TTN: variants seen among roughly 807,000 people sequenced by gnomAD.
TTN encodes connectin.
A neutral mutation model predicts 3,223.0 loss-of-function variants in TTN; 1,525 were observed. That is an observed-to-expected ratio of 0.47 (90% CI 0.45 to 0.49). The LOEUF is 0.49. TTN is among the 20% of genes least tolerant of loss of function. The pLI, the probability that TTN is intolerant of heterozygous loss-of-function variation, is 0.00. For missense variants in TTN, 40,786 were observed against 43,424.0 expected (o/e 0.94, Z 5.40); for synonymous variants, 14,094 against 15,161.0 (o/e 0.93, Z 5.17).
chr2:178,701,752 G>A (rs944554765), intron 109 of TTN, among the ~76,000 whole-genome samples, 165 bp from the exon 110 acceptor site: 45 of 152,120 alleles, frequency 3.0e-4, no homozygotes, highest in Non-Finnish European at 5.9e-5. Flanking sequence ...ATGCAACCAC[G>A]CAGGTAAGTT....
At chr2:178,728,862 C>G (rs754191416) in intron 65 of TTN, 29 bp downstream of exon 65, 5 of 1,575,884 alleles carry the variant, frequency 3.2e-6, no homozygotes, top group Non-Finnish European at 4.3e-6. Flanking sequence ...TCGCTATAGA[C>G]TATCTTTGAA....
intron 7 of TTN, 58 bp from the exon 8 acceptor site, chr2:178,794,609 A>T (rs1285990734): frequency 6.2e-7 from 1 of 1,610,114 alleles, no homozygotes; most frequent in Non-Finnish European, 8.5e-7. Flanking sequence ...AGTAGAAAAT[A>T]AAAAAGCATA....
At chr2:178,627,180 T>C (rs1409664053) in intron 240 of TTN, among the ~76,000 whole-genome samples, 1 of 152,014 alleles carries the variant, frequency 6.6e-6, no homozygotes, top group Non-Finnish European at 1.5e-5. Context: ...AATTTAACTT[T>C]AAAATTATCA....
rs1230375831 is a variant in TTN at position 178,778,948 on chromosome 2, T to C, written c.4134A>G (p.Lys1378=). 2 of 1,614,024 alleles carry C rather than the reference T, an allele frequency of 1.2e-6. No individual in the cohort carries two copies. The highest frequency in any genetic ancestry group is 3.3e-5 in the Admixed American group (2 of 60,018). ...NIKGNAICSG[K]LYVEPAAPLG... ...GTGGTGCAGCAGGCTCCACATACAA[T>C]TTCCCTGAGCAAATTGCATTTCCTT... The change falls in exon 24 of 363, where the codon AAA becomes AAG. Residue 1378 remains lysine (K), a synonymous_variant. Coordinates refer to ENST00000589042, the MANE Select transcript of TTN (RefSeq NM_001267550.2).
At position 178,572,739 on chromosome 2, in the gene TTN, C is replaced by T. The variant is rs764857452; in HGVS notation, c.73393G>A (p.Asp24465Asn). 4.3e-6 allele frequency: 7 copies of T among 1,613,486 alleles called. No individual in the cohort carries two copies. The highest frequency in any genetic ancestry group is 2.2e-5 in the South Asian group (2 of 91,062). Reference protein sequence around the residue: ...RPAPEVKWARDHGESLDKASI... With the variant: ...RPAPEVKWARNHGESLDKASI... ...GCTTTATCTAAAGATTCTCCATGGT[C>T]CCGGGCCCACTTCACCTCAGGTGCA... The change falls in exon 326 of 363, where the codon GAC becomes AAC. Residue 24465 changes from aspartate to asparagine, a missense_variant. Physicochemically the swap from Asp to Asn is conservative, Grantham distance 23. Coordinates refer to ENST00000589042, the MANE Select transcript of TTN (RefSeq NM_001267550.2).
At chr2:178,800,719 C>T in intron 3 of TTN, 37 bp from the exon 4 acceptor site, 3 of 1,577,508 alleles carry the variant, frequency 1.9e-6, no homozygotes, top group Non-Finnish European at 2.6e-6. Flanking sequence ...GAGTGAGAGC[C>T]AGGGTGCTCC....
chr2:178,689,014 T>C, intron 125 of TTN, 39 bp downstream of exon 125: 1 of 1,448,052 alleles, frequency 6.9e-7, no homozygotes, highest in East Asian at 2.5e-5. Flanking sequence ...TTTTTTTTTT[T>C]TTTTTTTTTT....
chr2:178,671,002 A>C (rs114461461), intron 156 of TTN, 88 bp downstream of exon 156: 63 of 909,432 alleles, frequency 6.9e-5, no homozygotes, highest in Non-Finnish European at 9.9e-5. Context: ...GAAGAAAGAC[A>C]TCAAGTGGAA....
In TTN at chr2:178,734,945, C is replaced by G; in HGVS notation, c.14979G>C (p.Met4993Ile). Reference sequence around the variant, plus strand: ...GGAGGCGTGCTGATTCACCTGGGAGCATTAAATAAGAGGGATCCACCTTCT... The same window carrying G: ...GGAGGCGTGCTGATTCACCTGGGAGGATTAAATAAGAGGGATCCACCTTCT... ...FVKKVDPSYLMLPGESARLHC... is the reference protein window; with the variant it reads ...FVKKVDPSYLILPGESARLHC... Residue 4993 changes from methionine (M) to isoleucine (I), a missense_variant, in exon 51 of 363, where the codon ATG (methionine) becomes ATC (isoleucine). By Grantham distance (10) the Met-to-Ile change is conservative. Coordinates refer to ENST00000589042, the MANE Select transcript of TTN (RefSeq NM_001267550.2). 6.2e-7 allele frequency: 1 copy of G among 1,606,570 alleles called. No individual in the cohort carries two copies. Among genetic ancestry groups the G allele is most frequent in the Non-Finnish European group, 8.5e-7 (1 of 1,175,876 alleles).
In TTN at chr2:178,741,407, C is replaced by T. The variant is rs768600988; in HGVS notation, c.11826G>A (p.Lys3942=). The T allele has an allele frequency of 2.5e-6, 4 of 1,613,740 alleles. No individual in the cohort carries two copies. The highest frequency in any genetic ancestry group is 2.2e-5 in the South Asian group (2 of 91,082). Residue 3942 remains lysine (K), a synonymous_variant, in exon 48 of 363, where the codon AAG becomes AAA. Transcript: ENST00000589042. ...GAGCACAGCGAATTGGTTTTAACTC[C>T]TTAAGGAAGTGAGGAGGACAAGGAC... The part of the protein sequence containing the change: ...LGGPCPPHFL[K]ELKPIRCAQG...
intron 47 of TTN, chr2:178,750,267 T>C (rs1272035428): frequency 6.2e-7 from 1 of 1,613,236 alleles, no homozygotes; most frequent in Admixed American, 1.7e-5. Context: ...ACTGGGACTT[T>C]ATGTGCTTTG....
In TTN at chr2:178,579,325, G is replaced by A. The variant is rs746313264; in HGVS notation, c.67705C>T (p.Arg22569Trp). The A allele has an allele frequency of 3.0e-5, 49 of 1,607,404 alleles. No homozygotes were observed. The highest frequency in any genetic ancestry group is 2.1e-4 in the African/African-American group (16 of 74,682). Residue 22569 changes from arginine to tryptophan, a missense_variant, in exon 320 of 363, where the codon CGG becomes TGG. By Grantham distance (101) the Arg-to-Trp change is moderately radical (BLOSUM62 -3). Transcript: ENST00000589042. Reference sequence around the variant, plus strand: ...TTGCCTTTTATGGGGATCTTAAGCCGGAAGTTGCTGTTTTCTTTAGCCAAG... The same window carrying A: ...TTGCCTTTTATGGGGATCTTAAGCCAGAAGTTGCTGTTTTCTTTAGCCAAG... ...CYLAKENSNF[R>W]LKIPIKGKPA...
rs1387146828 is a variant in TTN at position 178,608,731 on chromosome 2, T to C, written c.52280A>G (p.His17427Arg). Residue 17427 changes from histidine to arginine, a missense_variant, in exon 274 of 363, where the codon CAT becomes CGT. His to Arg is a conservative substitution (Grantham distance 29). Coordinates refer to ENST00000589042, the MANE Select transcript of TTN (RefSeq NM_001267550.2). ...CAGTTTTGTTACTGAATATTTGCAA[T>C]GTCTAAGTGTTGAAGTGACAACAAT... Reference protein sequence around the residue: ...EWIVVTSTLRHCKYSVTKLIE... With the variant: ...EWIVVTSTLRRCKYSVTKLIE... 1 of 1,612,642 alleles carries C rather than the reference T, an allele frequency of 6.2e-7. No individual in the cohort carries two copies. Among genetic ancestry groups the C allele is most frequent in the Admixed American group, 1.7e-5 (1 of 59,930 alleles).
intron 3 of TTN, among the ~76,000 whole-genome samples, chr2:178,800,926 C>T (rs1413482411): frequency 6.6e-6 from 1 of 152,164 alleles, no homozygotes; most frequent in African/African-American, 2.4e-5. Context: ...GTTTAGGCCA[C>T]CACCTTTTGT....
At chr2:178,782,639 G>C (rs1302670842) in intron 18 of TTN, 37 bp from the exon 19 acceptor site, 1 of 1,610,144 alleles carries the variant, frequency 6.2e-7, no homozygotes, top group Non-Finnish European at 8.5e-7. Context: ...GAGATGAGAT[G>C]TTTAGTGACC....
Position 178,559,317 on chromosome 2 carries a change from T to C in TTN, c.86815A>G (p.Ile28939Val). 1 of 1,589,024 alleles carries C rather than the reference T, an allele frequency of 6.3e-7. No individual in the cohort carries two copies. Residue 28939 changes from isoleucine to valine, a missense_variant, in exon 326 of 363, where the codon ATA (isoleucine) becomes GTA (valine). By Grantham distance (29) the Ile-to-Val change is conservative (BLOSUM62 3). Transcript: ENST00000589042. ...CCTTATTCTTAAAACATACCTGTTA[T>C]TTTTACTCCTTCCTTTGTTTCAGCT... is the stretch of plus-strand genomic sequence containing the variant. ...IPAETKEGVK[I>V]TEKPSPPEKL... is the part of the protein sequence containing the mutation.
At chr2:178,597,472 A>G (rs1267331966) in intron 294 of TTN, 66 bp downstream of exon 294, 5 of 1,507,054 alleles carry the variant, frequency 3.3e-6, no homozygotes, top group Non-Finnish European at 4.5e-6. Flanking sequence ...CATACAGCAT[A>G]GCTTTGTGTA....
In TTN at chr2:178,620,820, G is replaced by C; in HGVS notation, c.45790C>G (p.Leu15264Val). 6.2e-7 allele frequency: 1 copy of C among 1,612,724 alleles called. No homozygotes were observed. The highest frequency in any genetic ancestry group is 1.1e-5 in the South Asian group (1 of 91,056). The change falls in exon 247 of 363, where the codon CTC becomes GTC. Residue 15264 changes from leucine to valine, a missense_variant. Coordinates refer to ENST00000589042, the MANE Select transcript of TTN (RefSeq NM_001267550.2). The stretch of plus-strand genomic sequence containing the variant: ...TCTAAGTGTGCATCTCTAATTCTGA[G>C]GGTGTAGACTAGGTCTTTTTGGAGA... ...IILQKDLVYT[L>V]RIRDAHLDDQ...
At chr2:178,644,501 G>C (rs750607689) in intron 218 of TTN, 47 bp downstream of exon 218, 1 of 1,403,022 alleles carries the variant, frequency 7.1e-7, no homozygotes, top group South Asian at 1.4e-5. Context: ...CAAGGAGTCA[G>C]GTAAAGGGGT....
Sources: allele counts gnomAD v4.1 joint callset (sites outside exome capture counted in the v4.1 genomes callset), GRCh38; gene constraint gnomAD v4.1.1; transcripts MANE v1.5; gene names NCBI Gene and HGNC (gene_info 2026-07-23, HGNC 2026-07-21).